SOX5: variants seen among roughly 807,000 people sequenced by gnomAD.
The protein encoded by SOX5 is SRY-box transcription factor 5, also known as transcription factor SOX-5.
In SOX5, 9 loss-of-function variants were observed where a neutral mutation model predicts 92.0. That is an observed-to-expected ratio of 0.10 (90% CI 0.06 to 0.17). The LOEUF is 0.17. SOX5 is among the 10% of genes least tolerant of loss of function. SOX5 has a pLI of 1.00. For missense variants in SOX5, 642 were observed against 944.5 expected, an observed-to-expected ratio of 0.68 and a Z score of 4.20; for synonymous variants, 344 against 336.3, an observed-to-expected ratio of 1.02 and a Z score of -0.25.
chr12:23,973,316 A>G (rs1948565958), intron 4 of SOX5, among the ~76,000 whole-genome samples: 1 of 151,722 alleles, frequency 6.6e-6, no homozygotes, highest in Non-Finnish European at 1.5e-5. Flanking sequence ...ACGCACCACC[A>G]TGCCCGGCTA....
At chr12:24,182,916 G>A (rs1955654995) in intron 4 of SOX5, among the ~76,000 whole-genome samples, 1 of 152,070 alleles carries the variant, frequency 6.6e-6, no homozygotes, top group South Asian at 2.1e-4. Context: ...GTTTCATCAT[G>A]TTCACCAGGC....
At chr12:24,037,459 TAAAAC>T (rs1956151619) in intron 4 of SOX5, among the ~76,000 whole-genome samples, 2 of 152,018 alleles carry the variant, frequency 1.3e-5, no homozygotes, top group South Asian at 2.1e-4. Flanking sequence ...CATGTATAGA[TAAAAC>T]AAACAGATAA....
intron 1 of SOX5, among the ~76,000 whole-genome samples, chr12:24,382,983 G>A (rs1413061033): frequency 6.6e-6 from 1 of 152,136 alleles, no homozygotes; most frequent in Non-Finnish European, 1.5e-5. Context: ...GTTTAGAAAC[G>A]AGGTTGCAAT....
In SOX5 at chr12:24,537,979, A is replaced by G. The variant is rs566380730; in HGVS notation, c.-251+24350T>C. ...TGATGTTTCCTTTTATTTATTCTGA[A>G]GTTTTCGATGTAAGACAAACAGGAA... On this transcript the variant is annotated intron_variant, in intron 1 of 4. Transcript: ENST00000446891. Among the ~76,000 whole-genome samples the G allele has an allele frequency of 1.1e-4, 16 of 152,254 alleles. 1 individual carries two copies. The highest frequency in any genetic ancestry group is 3.4e-4 in the African/African-American group (14 of 41,546).
intron 1 of SOX5, among the ~76,000 whole-genome samples, chr12:24,509,324 C>T (rs972900694): frequency 7.9e-5 from 12 of 152,216 alleles, no homozygotes; most frequent in Non-Finnish European, 1.5e-4. Context: ...TTCTGCTATA[C>T]TCACTCTCTT....
chr12:24,424,750 C>A (rs1442117563), intron 1 of SOX5, among the ~76,000 whole-genome samples: 1 of 147,412 alleles, frequency 6.8e-6, no homozygotes, highest in Non-Finnish European at 1.5e-5. Context: ...TTAGCAAATA[C>A]ATTCTGTTAA....
At chr12:23,947,598 T>G (rs1373143446) in intron 1 of SOX5, among the ~76,000 whole-genome samples, 1 of 151,922 alleles carries the variant, frequency 6.6e-6, no homozygotes, top group East Asian at 1.9e-4. Flanking sequence ...TTTTCAGAAT[T>G]ATTTTAGCTA....
At chr12:23,774,413 T>C (rs1672491642) in intron 3 of SOX5, among the ~76,000 whole-genome samples, 1 of 152,218 alleles carries the variant, frequency 6.6e-6, no homozygotes, top group South Asian at 2.1e-4. Context: ...TTCATTCAAA[T>C]TTCGGAATGA....
chr12:23,538,359 T>C (rs528383132), intron 13 of SOX5, among the ~76,000 whole-genome samples: 1 of 152,252 alleles, frequency 6.6e-6, no homozygotes, highest in Non-Finnish European at 1.5e-5. Context: ...TGTGAATTTA[T>C]TCTATTTACA....
At chr12:23,775,515 A>T (rs2095070163) in intron 3 of SOX5, among the ~76,000 whole-genome samples, 1 of 152,212 alleles carries the variant, frequency 6.6e-6, no homozygotes, top group East Asian at 1.9e-4. Context: ...AGTGCATATA[A>T]TGCAATACCA....
chr12:24,203,303 G>C (rs1197203312), intron 4 of SOX5, among the ~76,000 whole-genome samples: 1 of 152,128 alleles, frequency 6.6e-6, no homozygotes, highest in African/African-American at 2.4e-5. Flanking sequence ...GGGACCAAAA[G>C]ATGTTCCAGA....
chr12:24,383,382 A>G (rs918413409), intron 1 of SOX5, among the ~76,000 whole-genome samples: 2 of 152,254 alleles, frequency 1.3e-5, no homozygotes, highest in Non-Finnish European at 2.9e-5. Flanking sequence ...CACTGTCCAC[A>G]TATGTAGTTA....
chr12:24,442,973 G>C (rs1173853940), intron 1 of SOX5, among the ~76,000 whole-genome samples: 1 of 91,814 alleles, frequency 1.1e-5, no homozygotes, highest in African/African-American at 4.1e-5. Flanking sequence ...TTTTTTTTGA[G>C]ATGGAGTCTT....
At chr12:23,592,773 A>G (rs1951748094) in intron 9 of SOX5, among the ~76,000 whole-genome samples, 1 of 152,186 alleles carries the variant, frequency 6.6e-6, no homozygotes, top group Non-Finnish European at 1.5e-5. Flanking sequence ...ATTCAATTTA[A>G]ATAAGAGATA....
At chr12:24,031,859 G>T (rs1386455455) in intron 4 of SOX5, among the ~76,000 whole-genome samples, 1 of 151,688 alleles carries the variant, frequency 6.6e-6, no homozygotes, top group African/African-American at 2.4e-5. Context: ...AAGTTCTATG[G>T]TCCCAAATGC....
intron 11 of SOX5, among the ~76,000 whole-genome samples, chr12:23,557,975 C>A (rs377357435): frequency 0.02 from 2,233 of 111,780 alleles, no homozygotes; most frequent in Middle Eastern, 0.035. Context: ...GACTCCGCCT[C>A]AAAAAAAAAA....
chr12:23,672,464 T>C (rs2084950486), intron 6 of SOX5, among the ~76,000 whole-genome samples: 1 of 152,158 alleles, frequency 6.6e-6, no homozygotes, highest in African/African-American at 2.4e-5. Flanking sequence ...CCCTGGGCCC[T>C]ATGAGTTTAT....
At chr12:23,630,519 T>A (rs1043283609) in intron 8 of SOX5, among the ~76,000 whole-genome samples, 4 of 152,014 alleles carry the variant, frequency 2.6e-5, no homozygotes, top group African/African-American at 9.7e-5. Context: ...TGCCCTAATT[T>A]TCAAGACTTC....
chr12:23,645,852 A>T (rs990466064), intron 7 of SOX5, among the ~76,000 whole-genome samples: 3 of 152,138 alleles, frequency 2.0e-5, no homozygotes, highest in Admixed American at 2.0e-4. Flanking sequence ...TACCTTGGAG[A>T]TATTGTAAGT....
Sources: gnomAD v4.1 joint callset for allele counts (sites outside exome capture counted in the v4.1 genomes callset) on GRCh38, gnomAD v4.1.1 for gene constraint, MANE v1.5 for transcripts, NCBI Gene and HGNC (gene_info 2026-07-23, HGNC 2026-07-21) for gene names.